Variants in GOLM2 observed in about 807,000 individuals in gnomAD.
The protein encoded by GOLM2 is protein GOLM2.
GOLM2 carries 26 observed loss-of-function variants against 55.9 expected under a neutral mutation model. The ratio of observed to expected loss-of-function variants is 0.47; its 90% CI spans 0.34 to 0.65. The LOEUF (loss-of-function observed/expected upper bound fraction) is 0.65, where lower values mean the gene tolerates loss of function less well. Ranked by LOEUF, GOLM2 falls within the 30% of genes least tolerant of loss-of-function variation. GOLM2 has a pLI of 0.01. For synonymous variants in GOLM2, 165 were observed against 194.6 expected (o/e 0.85, Z 1.27); for missense variants, 486 against 531.8 (o/e 0.91, Z 0.85).
chr15:44,404,649 A>G (rs77155350), intron 9 of GOLM2, among the ~76,000 whole-genome samples: 2 of 151,774 alleles, frequency 1.3e-5, no homozygotes, highest in Admixed American at 1.3e-4. Flanking sequence ...TCATGCATGT[A>G]TATCATATCA....
intron 8 of GOLM2, among the ~76,000 whole-genome samples, chr15:44,383,112 G>C (rs111408174): frequency 6.7e-6 from 1 of 149,838 alleles, no homozygotes; most frequent in African/African-American, 2.5e-5. Context: ...CATATATTCT[G>C]TATATATTAT....
chr15:44,331,917 G>A lies in GOLM2; in HGVS notation c.486-71G>A, dbSNP rs764208796. 2.8e-6 allele frequency: 3 copies of A among 1,075,254 alleles called. No individual in the cohort carries two copies. The Admixed American group carries it at 5.4e-5, about 20-fold the overall frequency. 66.6% of individuals were successfully genotyped at this position (1,075,254 alleles called of 1,614,324 possible). On this transcript the variant is annotated intron_variant, in intron 3 of 9. Coordinates refer to ENST00000299957, the MANE Select transcript of GOLM2 (RefSeq NM_138423.4). The stretch of plus-strand genomic sequence containing the variant: ...AGTGTTTTATCTTTCTTATGTATGT[G>A]TCAACTTCTGGACAACTTTGAGAAT...
rs1356809784 is a variant in GOLM2, at chr15:44,414,880, GC to G, written c.*1475del. On this transcript the variant is annotated 3_prime_UTR_variant, in exon 10 of 10. Coordinates refer to ENST00000299957, the MANE Select transcript of GOLM2 (RefSeq NM_138423.4). ...TGACACTATTCAGTGGAATGTGTAA[GC>G]TAGCTAATTCTTGTTTTCTGATTTA... 1 of 152,586 alleles carries G rather than the reference GC, an allele frequency of 6.6e-6. No individual in the cohort carries two copies. The highest frequency in any genetic ancestry group is 6.6e-5 in the Admixed American group (1 of 15,258). The allele number at this position is 152,586 out of a possible 1,614,324, so 9.5% of individuals were successfully genotyped here. A position where few individuals can be genotyped will look rare whatever the true frequency, so the allele number is the denominator to read the frequency against.
At chr15:44,373,642 T>C (rs1344990248) in intron 6 of GOLM2, among the ~76,000 whole-genome samples, 2 of 151,316 alleles carry the variant, frequency 1.3e-5, no homozygotes, top group Admixed American at 6.6e-5. Context: ...TAATTCCAGC[T>C]TCTCAGGAGG....
rs1008296337 is a variant in GOLM2 at position 44,359,106 on chromosome 15, C to T, written c.803-20584C>T. On this transcript the variant is annotated intron_variant, in intron 6 of 9. Transcript: ENST00000299957. ...CGGAGGTTGCAGTGAGCTGAGATCG[C>T]GCCAATGCACTCCAGCCTGGGTGAC... is the stretch of plus-strand genomic sequence containing the variant. 1.4e-4 allele frequency among the ~76,000 whole-genome samples: 21 copies of T among 151,294 alleles called. No individual in the cohort carries two copies. The East Asian group carries it at 2.1e-3, about 15-fold the overall frequency.
At chr15:44,306,901 C>T (rs1300584483) in intron 1 of GOLM2, among the ~76,000 whole-genome samples, 4 of 152,138 alleles carry the variant, frequency 2.6e-5, no homozygotes, top group African/African-American at 9.7e-5. Context: ...ATTGATTAAA[C>T]TCACTGTCCT....
intron 8 of GOLM2, chr15:44,390,437 C>T (rs561978679): frequency 1.2e-4 from 18 of 152,294 alleles, no homozygotes; most frequent in African/African-American, 4.3e-4. Flanking sequence ...AATTGCTTCT[C>T]ATATTGGCTT....
intron 1 of GOLM2, among the ~76,000 whole-genome samples, chr15:44,315,418 G>A (rs915084091): frequency 6.6e-6 from 1 of 152,176 alleles, no homozygotes; most frequent in Non-Finnish European, 1.5e-5. Context: ...GGAAAGAGAA[G>A]CAGAGCAACT....
At chr15:44,378,086 T>C (rs1187325434) in intron 6 of GOLM2, among the ~76,000 whole-genome samples, 1 of 151,060 alleles carries the variant, frequency 6.6e-6, no homozygotes, top group Admixed American at 6.6e-5. Context: ...TCTTGCTCTG[T>C]CACCCAGGCT....
intron 6 of GOLM2, 130 bp from the exon 7 acceptor site, chr15:44,379,560 G>T (rs2079387564): frequency 3.2e-6 from 2 of 630,042 alleles, no homozygotes; most frequent in Admixed American, 2.8e-5. Context: ...CAACTATAAG[G>T]ATTACAAAAT....
chr15:44,349,162 G>A (rs1277952765), intron 6 of GOLM2, among the ~76,000 whole-genome samples: 1 of 151,772 alleles, frequency 6.6e-6, no homozygotes, highest in African/African-American at 2.4e-5. Context: ...GGGAGGCTGA[G>A]GCAGGAGAAT....
chr15:44,330,072 G>T (rs566819494), intron 3 of GOLM2, among the ~76,000 whole-genome samples: 15 of 150,502 alleles, frequency 1.0e-4, no homozygotes, highest in Admixed American at 7.9e-4. Context: ...CACCACGCCC[G>T]GCTAATTTTT....
chr15:44,413,514 A>G lies in GOLM2; in HGVS notation c.*108A>G. The G allele has an allele frequency of 1.3e-6, 1 of 773,668 alleles. No individual in the cohort carries two copies. 47.9% of individuals were successfully genotyped at this position (773,668 alleles called of 1,614,324 possible). A position where few individuals can be genotyped will look rare whatever the true frequency, so the allele number is the denominator to read the frequency against. On this transcript the variant is annotated 3_prime_UTR_variant, in exon 10 of 10. Transcript: ENST00000299957. ...GACGAATTGTATCAGTTGTAAAGAT[A>G]CATTGAGATAGAATTAAGGAAAAAC...
At chr15:44,309,088 A>G (rs994332131) in intron 1 of GOLM2, among the ~76,000 whole-genome samples, 6 of 152,206 alleles carry the variant, frequency 3.9e-5, no homozygotes, top group Non-Finnish European at 5.9e-5. Context: ...CTACAGTGAG[A>G]TACTATCTCA....
At chr15:44,339,932 A>G (rs1595635079) in intron 6 of GOLM2, among the ~76,000 whole-genome samples, 1 of 151,914 alleles carries the variant, frequency 6.6e-6, no homozygotes, top group African/African-American at 2.4e-5. Context: ...CGATCTTCCC[A>G]CCTCAGCCTC....
rs1228770380 is a variant in GOLM2 at position 44,328,743 on chromosome 15, T to C, written c.441T>C (p.Tyr147=). The C allele has an allele frequency of 1.4e-5, 23 of 1,612,888 alleles. No homozygotes were observed. In the Admixed American group the frequency reaches 3.5e-4, roughly 25 times the overall value. Residue 147 remains tyrosine, a synonymous_variant, in exon 3 of 10, where the codon TAT becomes TAC. Transcript: ENST00000299957. ...GACAAGAAGACCAGCTTCAGGACTA[T>C]AGGAAGAACAATACTTACCTTGTGA... ...FLRQEDQLQD[Y]RKNNTYLVKR...
At chr15:44,300,438 GT>G (rs1461774276) in intron 1 of GOLM2, among the ~76,000 whole-genome samples, 2 of 151,984 alleles carry the variant, frequency 1.3e-5, no homozygotes, top group South Asian at 2.1e-4. Context: ...GTATTTCTCT[GT>G]TTTTTCTTAC....
At chr15:44,339,367 C>T (rs181729319) in intron 6 of GOLM2, among the ~76,000 whole-genome samples, 12 of 152,102 alleles carry the variant, frequency 7.9e-5, no homozygotes, top group Admixed American at 7.9e-4. Context: ...GAGATACAGT[C>T]TCTCTCTGTT....
intron 8 of GOLM2, among the ~76,000 whole-genome samples, chr15:44,393,579 A>G (rs1350017922): frequency 6.6e-6 from 1 of 152,206 alleles, no homozygotes; most frequent in African/African-American, 2.4e-5. Context: ...AAAGACTTCC[A>G]CTATCAGATA....
Sources: allele counts gnomAD v4.1 joint callset (sites outside exome capture counted in the v4.1 genomes callset), GRCh38; gene constraint gnomAD v4.1.1; transcripts MANE v1.5; gene names NCBI Gene and HGNC (gene_info 2026-07-23, HGNC 2026-07-21).